The following FOXP1 variants were observed in gnomAD, a reference collection of about 807,000 sequenced individuals.
FOXP1 encodes the protein forkhead box P1, also known as forkhead box protein P1.
A neutral mutation model predicts 98.2 loss-of-function variants in FOXP1; 15 were observed. The observed-to-expected ratio is 0.15, with a 90% CI of 0.10 to 0.24. The LOEUF (loss-of-function observed/expected upper bound fraction) is 0.24, where lower values mean the gene tolerates loss of function less well. Ranked by LOEUF, FOXP1 falls within the 10% of genes least tolerant of loss-of-function variation. The pLI, the probability that FOXP1 is intolerant of heterozygous loss-of-function variation, is 1.00. For synonymous variants in FOXP1, 371 were observed against 314.5 expected, an observed-to-expected ratio of 1.18 and a Z score of -1.90; for missense variants, 633 against 848.5, an observed-to-expected ratio of 0.75 and a Z score of 3.15.
intron 3 of FOXP1, among the ~76,000 whole-genome samples, chr3:71,490,718 T>A (rs1312072017): frequency 6.6e-6 from 1 of 152,208 alleles, no homozygotes; most frequent in African/African-American, 2.4e-5. Context: ...GTTCTTCAGA[T>A]GGATTTTTCA....
At chr3:71,446,036 GGTGAGTGAGTGAGTGAGTGAGTGAGTGA>G (rs34045911) in intron 3 of FOXP1, among the ~76,000 whole-genome samples, 7 of 149,176 alleles carry the variant, frequency 4.7e-5, no homozygotes, top group South Asian at 2.1e-4. Context: ...ACAACTCATA[GGTGAGTGAGTGAGTGAGTGAGTGAGTGA>G]GTGAGTGAGT....
intron 2 of FOXP1, among the ~76,000 whole-genome samples, chr3:71,539,569 A>G (rs1488329080): frequency 6.6e-6 from 1 of 151,812 alleles, no homozygotes; most frequent in African/African-American, 2.4e-5. Flanking sequence ...ATCAACATGG[A>G]GAGTGCCACC....
At chr3:71,478,866 G>T (rs2090055172) in intron 3 of FOXP1, among the ~76,000 whole-genome samples, 1 of 152,170 alleles carries the variant, frequency 6.6e-6, no homozygotes, top group Non-Finnish European at 1.5e-5. Context: ...CATCCCTCAA[G>T]ATACCCATGC....
chr3:71,000,182 C>G (rs2041930159), intron 13 of FOXP1, among the ~76,000 whole-genome samples: 1 of 151,768 alleles, frequency 6.6e-6, no homozygotes, highest in Non-Finnish European at 1.5e-5. Flanking sequence ...GTAGAACTCA[C>G]ATTTAAAAAA....
intron 6 of FOXP1, among the ~76,000 whole-genome samples, chr3:71,121,386 G>A (rs1039614721): frequency 2.6e-5 from 4 of 151,654 alleles, no homozygotes; most frequent in Admixed American, 1.3e-4. Flanking sequence ...AAAAGGGGGG[G>A]GGGATATCTA....
At chr3:71,284,213 A>G (rs535792619) in intron 5 of FOXP1, among the ~76,000 whole-genome samples, 6 of 152,338 alleles carry the variant, frequency 3.9e-5, no homozygotes, top group East Asian at 3.9e-4. Context: ...TAAGAATTAC[A>G]TAACTGTTCT....
intron 2 of FOXP1, among the ~76,000 whole-genome samples, chr3:71,515,956 T>C (rs774036571): frequency 6.6e-6 from 1 of 152,250 alleles, no homozygotes; most frequent in African/African-American, 2.4e-5. Context: ...GAATGGCCAG[T>C]GTCGTTCATC....
intron 6 of FOXP1, chr3:71,130,478 C>A (rs757250474): frequency 1.3e-6 from 2 of 1,597,424 alleles, no homozygotes; most frequent in South Asian, 1.1e-5. Flanking sequence ...AAAAATGTTT[C>A]TTTTTCTCTG....
chr3:71,233,897 T>C (rs1392558934), intron 5 of FOXP1, among the ~76,000 whole-genome samples: 2 of 152,198 alleles, frequency 1.3e-5, no homozygotes, highest in African/African-American at 4.8e-5. Context: ...TCAAACATCA[T>C]TACATGACAG....
chr3:71,210,102 T>G (rs936187939), intron 5 of FOXP1, among the ~76,000 whole-genome samples: 2 of 152,164 alleles, frequency 1.3e-5, no homozygotes, highest in African/African-American at 2.4e-5. Flanking sequence ...TGATTAACAA[T>G]CAGGTTATTG....
At chr3:71,450,176 G>T (rs1394989481) in intron 3 of FOXP1, among the ~76,000 whole-genome samples, 1 of 152,186 alleles carries the variant, frequency 6.6e-6, no homozygotes, top group African/African-American at 2.4e-5. Context: ...ATGTGTTTAT[G>T]TTCCTAATTT....
chr3:71,101,463 C>T (rs941227401), intron 7 of FOXP1, among the ~76,000 whole-genome samples: 2 of 151,706 alleles, frequency 1.3e-5, no homozygotes. Context: ...AAGAAAACAG[C>T]ATGGAGGCCA....
At chr3:71,296,780 C>T (rs1042031655) in intron 5 of FOXP1, among the ~76,000 whole-genome samples, 9 of 152,168 alleles carry the variant, frequency 5.9e-5, no homozygotes, top group Admixed American at 2.0e-4. Flanking sequence ...TGATCTCTCA[C>T]GAATGGCTAG....
intron 7 of FOXP1, among the ~76,000 whole-genome samples, chr3:71,071,489 T>C (rs1050962563): frequency 1.3e-5 from 2 of 152,220 alleles, no homozygotes; most frequent in Non-Finnish European, 2.9e-5. Context: ...GGAATAATAG[T>C]GTGATTGTGG....
At chr3:71,536,573 CTTTT>C (rs3039465) in intron 2 of FOXP1, among the ~76,000 whole-genome samples, 5 of 135,004 alleles carry the variant, frequency 3.7e-5, no homozygotes, top group Admixed American at 7.4e-5. Flanking sequence ...AACCATGTCT[CTTTT>C]TTTTTTTTTT....
intron 6 of FOXP1, among the ~76,000 whole-genome samples, chr3:71,166,294 C>T (rs2108181019): frequency 6.6e-6 from 1 of 152,268 alleles, no homozygotes; most frequent in South Asian, 2.1e-4. Flanking sequence ...TGGGGGGTGA[C>T]AAGAGCCGCT....
At chr3:71,098,385 G>T (rs930599481) in intron 7 of FOXP1, among the ~76,000 whole-genome samples, 8 of 152,122 alleles carry the variant, frequency 5.3e-5, no homozygotes, top group African/African-American at 1.9e-4. Context: ...ACAAAGGCAG[G>T]CACAGGGCAT....
chr3:71,468,817 A>C (rs894723890), intron 3 of FOXP1, among the ~76,000 whole-genome samples: 2 of 152,322 alleles, frequency 1.3e-5, no homozygotes, highest in Admixed American at 1.3e-4. Context: ...TGCTGACACA[A>C]GCATCAGTGT....
chr3:71,212,145 T>G (rs1178877741), intron 5 of FOXP1, among the ~76,000 whole-genome samples: 2 of 152,190 alleles, frequency 1.3e-5, no homozygotes, highest in African/African-American at 2.4e-5. Flanking sequence ...CTCCTTGGCT[T>G]TATCAGAAGG....
Sources: gnomAD v4.1 joint callset for allele counts (sites outside exome capture counted in the v4.1 genomes callset) on GRCh38, gnomAD v4.1.1 for gene constraint, MANE v1.5 for transcripts, NCBI Gene and HGNC (gene_info 2026-07-23, HGNC 2026-07-21) for gene names.